The following LUZP2 variants were observed in gnomAD, a reference collection of about 807,000 sequenced individuals.
LUZP2 encodes leucine zipper protein 2.
LUZP2 carries 52 observed loss-of-function variants against 51.6 expected under a neutral mutation model. That is an observed-to-expected ratio of 1.01 (90% CI 0.81 to 1.27). The LOEUF is 1.27. Among genes scored for constraint, LUZP2 ranks in the 50% most tolerant of loss-of-function variants. LUZP2 has a pLI of 0.00. For synonymous variants in LUZP2, 154 were observed against 137.3 expected (o/e 1.12, Z -0.85); for missense variants, 436 against 395.4 (o/e 1.10, Z -0.87).
intron 3 of LUZP2, among the ~76,000 whole-genome samples, chr11:24,733,707 C>T (rs1447235060): frequency 6.0e-5 from 9 of 150,956 alleles, no homozygotes; most frequent in Admixed American, 2.0e-4. Context: ...GAAATTAGTA[C>T]ATGATGACTA....
chr11:25,052,764 T>C (rs1283442334), intron 10 of LUZP2, among the ~76,000 whole-genome samples: 1 of 152,154 alleles, frequency 6.6e-6, no homozygotes, highest in Non-Finnish European at 1.5e-5. Flanking sequence ...AATTTCATTT[T>C]TTTAAATCAC....
At chr11:24,997,953 G>A (rs1274598461) in intron 9 of LUZP2, among the ~76,000 whole-genome samples, 1 of 152,066 alleles carries the variant, frequency 6.6e-6, no homozygotes, top group Non-Finnish European at 1.5e-5. Context: ...TATTTCTGAG[G>A]GCTCTGTTCT....
chr11:25,041,700 A>G (rs1334485830), intron 9 of LUZP2, among the ~76,000 whole-genome samples: 3 of 152,158 alleles, frequency 2.0e-5, no homozygotes, highest in Non-Finnish European at 4.4e-5. Context: ...CGAGGATCAA[A>G]GGGATTTTTC....
At chr11:24,605,473 A>T (rs1853884730) in intron 1 of LUZP2, among the ~76,000 whole-genome samples, 1 of 151,780 alleles carries the variant, frequency 6.6e-6, no homozygotes, top group African/African-American at 2.4e-5. Context: ...ATGTGACAAT[A>T]AAGTTATATA....
At chr11:24,598,483 T>G (rs772530398) in intron 1 of LUZP2, among the ~76,000 whole-genome samples, 4 of 152,068 alleles carry the variant, frequency 2.6e-5, no homozygotes, top group Admixed American at 6.6e-5. Flanking sequence ...ATGATTTAGA[T>G]TTTTAAGCAA....
At chr11:24,823,547 G>A (rs964887548) in intron 5 of LUZP2, among the ~76,000 whole-genome samples, 1 of 152,036 alleles carries the variant, frequency 6.6e-6, no homozygotes, top group Non-Finnish European at 1.5e-5. Context: ...CTATTCATTT[G>A]TGAAGAATGG....
chr11:24,906,668 T>C (rs1853465648), intron 6 of LUZP2, among the ~76,000 whole-genome samples: 1 of 152,048 alleles, frequency 6.6e-6, no homozygotes, highest in Admixed American at 6.6e-5. Context: ...ATCAATGAAA[T>C]AGGAATGATA....
chr11:24,771,766 G>T (rs75806711), intron 5 of LUZP2, among the ~76,000 whole-genome samples: 12,139 of 151,928 alleles, frequency 0.08, 1,034 homozygotes, highest in African/African-American at 0.22. Context: ...AGTTTTCCCC[G>T]TACTGTTCTC....
intron 1 of LUZP2, among the ~76,000 whole-genome samples, chr11:24,602,234 G>GTATATATATGCAAACATATA (rs1565020903): frequency 5.4e-4 from 8 of 14,906 alleles, no homozygotes; most frequent in South Asian, 7.8e-3. Context: ...GTACATATAT[G>GTATATATATGCAAACATATA]TGTATATATG....
At chr11:24,895,500 C>G (rs1853011391) in intron 5 of LUZP2, among the ~76,000 whole-genome samples, 1 of 152,082 alleles carries the variant, frequency 6.6e-6, no homozygotes, top group Non-Finnish European at 1.5e-5. Context: ...TCTTTAAACC[C>G]TTGCCTGCCT....
At chr11:24,667,276 C>T (rs897024846) in intron 1 of LUZP2, among the ~76,000 whole-genome samples, 1 of 151,350 alleles carries the variant, frequency 6.6e-6, no homozygotes, top group Non-Finnish European at 1.5e-5. Context: ...CTCCACCTCC[C>T]GGATTGAAGC....
In LUZP2 at chr11:24,908,818, C is replaced by T. The variant is rs1853540209; in HGVS notation, c.459+2765C>T. ...TTGCCCAGGCTGGAGTGCAGTGGCA[C>T]GATCTAGGCTCACTGCAAGCTCCAC... On this transcript the variant is annotated intron_variant, in intron 6 of 11. Coordinates refer to ENST00000336930, the MANE Select transcript of LUZP2 (RefSeq NM_001009909.4). 2.7e-5 allele frequency among the ~76,000 whole-genome samples: 4 copies of T among 149,912 alleles called. 1 individual carries two copies. The highest frequency in any genetic ancestry group is 2.7e-4 in the Admixed American group (4 of 15,022).
intron 7 of LUZP2, among the ~76,000 whole-genome samples, chr11:24,924,493 T>A (rs1484838173): frequency 1.3e-5 from 2 of 152,156 alleles, no homozygotes; most frequent in East Asian, 3.8e-4. Context: ...ATCACAGATG[T>A]TTCTGTGATT....
chr11:24,574,239 T>C (rs1335894617), intron 1 of LUZP2, among the ~76,000 whole-genome samples: 2 of 1,760 alleles, frequency 1.1e-3, no homozygotes, highest in Admixed American at 7.1e-3. Flanking sequence ...TTTCTTTCTT[T>C]CTTTCTTTCT....
intron 5 of LUZP2, among the ~76,000 whole-genome samples, chr11:24,763,515 A>G (rs1590473850): frequency 2.0e-5 from 3 of 152,178 alleles, no homozygotes; most frequent in Middle Eastern, 3.4e-3. Context: ...CATTAGTCCA[A>G]ACTTCTCTAG....
At chr11:24,847,940 A>G (rs1158190620) in intron 5 of LUZP2, among the ~76,000 whole-genome samples, 1 of 152,096 alleles carries the variant, frequency 6.6e-6, no homozygotes, top group Non-Finnish European at 1.5e-5. Context: ...AAGCTGGCTT[A>G]TTTGTTCTTG....
intron 5 of LUZP2, among the ~76,000 whole-genome samples, chr11:24,816,849 C>T (rs1850197134): frequency 6.6e-6 from 1 of 151,922 alleles, no homozygotes; most frequent in South Asian, 2.1e-4. Flanking sequence ...TTTTCACATT[C>T]TTTTTCTGGG....
At position 25,040,343 on chromosome 11, in the gene LUZP2, AT is replaced by A. The variant is rs57668112; in HGVS notation, c.766-9675del. 5.6e-4 allele frequency among the ~76,000 whole-genome samples: 55 copies of A among 98,820 alleles called. 3 individuals carry two copies. The highest frequency in any genetic ancestry group is 1.6e-3 in the African/African-American group (28 of 17,198). 64.8% of individuals were successfully genotyped at this position (98,820 alleles called of 152,430 possible). ...AGAGAGCCACTTTTCTTTCTTTCCG[AT>A]TTTTTTTTTTTTTTTTTTTGCCAAT... On this transcript the variant is annotated intron_variant, in intron 9 of 11. Coordinates refer to ENST00000336930, the MANE Select transcript of LUZP2 (RefSeq NM_001009909.4).
At chr11:24,841,458 T>C (rs1363776799) in intron 5 of LUZP2, among the ~76,000 whole-genome samples, 3 of 152,068 alleles carry the variant, frequency 2.0e-5, no homozygotes, top group Admixed American at 2.0e-4. Flanking sequence ...AGGGTCTTTG[T>C]ATGGAGCAGA....
Sources: allele counts gnomAD v4.1 joint callset (sites outside exome capture counted in the v4.1 genomes callset), GRCh38; gene constraint gnomAD v4.1.1; transcripts MANE v1.5; gene names NCBI Gene and HGNC (gene_info 2026-07-23, HGNC 2026-07-21).